SLC25A19: variants seen among roughly 807,000 people sequenced by gnomAD.
The protein encoded by SLC25A19 is solute carrier family 25 member 19.
Under a neutral mutation model 27.9 loss-of-function variants are expected in SLC25A19, and 18 were observed. The ratio of observed to expected loss-of-function variants is 0.64; its 90% CI spans 0.45 to 0.96. The LOEUF is 0.96. SLC25A19 is among the 40% of genes least tolerant of loss of function. SLC25A19 has a pLI of 0.00. For missense variants in SLC25A19, 371 were observed against 418.3 expected, an observed-to-expected ratio of 0.89 and a Z score of 0.99; for synonymous variants, 169 against 167.1, an observed-to-expected ratio of 1.01 and a Z score of -0.09.
Position 75,273,202 on chromosome 17 carries a change from C to T in SLC25A19, c.*249G>A. The T allele has an allele frequency of 1.9e-6, 1 of 530,160 alleles. No individual in the cohort carries two copies. The highest frequency in any genetic ancestry group is 1.9e-5 in the African/African-American group (1 of 52,512). The allele number at this position is 530,160 out of a possible 1,614,324, so 32.8% of individuals were successfully genotyped here. A position where few individuals can be genotyped will look rare whatever the true frequency, so the allele number is the denominator to read the frequency against. On this transcript the variant is annotated 3_prime_UTR_variant, in exon 8 of 8. Coordinates refer to ENST00000416858, the MANE Select transcript of SLC25A19 (RefSeq NM_001126121.2). ...GAGTGTGGGCTGGTCAGAGGAGAAA[C>T]AGCAACTTCCTGCTCCTTCTCACTG...
intron 7 of SLC25A19, among the ~76,000 whole-genome samples, chr17:75,274,943 TG>T (rs1271930541): frequency 2.6e-5 from 4 of 150,984 alleles, no homozygotes; most frequent in Non-Finnish European, 4.4e-5. Context: ...TGTGGTTATC[TG>T]TGGTAGTGAA....
intron 7 of SLC25A19, 123 bp downstream of exon 7, chr17:75,277,230 C>G (rs759820314): frequency 2.4e-6 from 3 of 1,270,304 alleles, no homozygotes; most frequent in East Asian, 2.4e-5. Context: ...AAGGAATGGA[C>G]GCAGGTGAAG....
At chr17:75,274,784 AAG>A (rs1421735996) in intron 7 of SLC25A19, among the ~76,000 whole-genome samples, 1 of 152,088 alleles carries the variant, frequency 6.6e-6, no homozygotes, top group Admixed American at 6.6e-5. Flanking sequence ...TAAAAAAAGA[AAG>A]AAAGAAAAGA....
chr17:75,287,140 G>T lies in SLC25A19; in HGVS notation c.-38-338C>A, dbSNP rs2078203241. The T allele has an allele frequency of 1.1e-5, 3 of 284,040 alleles. No homozygotes were observed. In the East Asian group the frequency reaches 2.7e-4, roughly 25 times the overall value. The allele number at this position is 284,040 out of a possible 1,614,324, so 17.6% of individuals were successfully genotyped here. On this transcript the variant is annotated intron_variant, in intron 2 of 7. Transcript: ENST00000416858. ...ATTTGTTTACTTTTTTAGAGACAGG[G>T]TCTCACTCTGTTGCCCAGGCTGGAA...
rs769897763 is a variant in SLC25A19, at chr17:75,277,398, C to T, written c.729G>A (p.Arg243=). ...CATGCTCAAACCCTCCAACCTGTAG[C>T]CGCTTCTTGAAGAGGTCCAGCGGAT... ...LTYPLDLFKK[R]LQVGGFEHAR... is the part of the protein sequence containing the mutation. Residue 243 remains arginine (R), a synonymous_variant, in exon 7 of 8, where the codon CGG becomes CGA. Transcript: ENST00000416858. 17 of 1,613,952 alleles carry T rather than the reference C, an allele frequency of 1.1e-5. No homozygotes were observed. Among genetic ancestry groups the T allele is most frequent in the Non-Finnish European group, 1.4e-5 (17 of 1,180,018 alleles).
At chr17:75,276,846 TTTG>T (rs2077901509) in intron 7 of SLC25A19, among the ~76,000 whole-genome samples, 2 of 69,628 alleles carry the variant, frequency 2.9e-5, no homozygotes, top group African/African-American at 6.6e-5. Flanking sequence ...GGCTAATTTT[TTTG>T]TTTTTTTTTT....
rs777893642 is a variant in SLC25A19, at chr17:75,278,109, G to A, written c.643+43C>T. 10 of 1,604,888 alleles carry A rather than the reference G, an allele frequency of 6.2e-6. No homozygotes were observed. In the South Asian group the frequency reaches 9.9e-5, roughly 16 times the overall value. ...GTGATTTGGAAGGGGGTGTTCTGGT[G>A]GCTGGGGTGGGAGGGCTCCCTCTCG... On this transcript the variant is annotated intron_variant, in intron 6 of 7. Coordinates refer to ENST00000416858, the MANE Select transcript of SLC25A19 (RefSeq NM_001126121.2).
intron 7 of SLC25A19, among the ~76,000 whole-genome samples, chr17:75,275,224 C>T (rs184767226): frequency 6.6e-5 from 10 of 151,944 alleles, no homozygotes; most frequent in Admixed American, 5.9e-4. Context: ...AGCTCCTGGC[C>T]TCAACTGATT....
rs1306947229 is a variant in SLC25A19 at position 75,283,286 on chromosome 17, G to C, written c.459+137C>G. On this transcript the variant is annotated intron_variant, in intron 5 of 7. Transcript: ENST00000416858. ...ACTGCACTCCAGCCTGCATGACAGA[G>C]CGAGATTCTGTCTCAAACAAAACAA... 4.2e-6 allele frequency: 4 copies of C among 960,980 alleles called. No individual in the cohort carries two copies. In the African/African-American group the frequency reaches 6.8e-5, roughly 16 times the overall value. 59.5% of individuals were successfully genotyped at this position (960,980 alleles called of 1,614,324 possible).
At chr17:75,289,117 G>T (rs1198756275) in intron 1 of SLC25A19, 2 of 152,262 alleles carry the variant, frequency 1.3e-5, no homozygotes, top group African/African-American at 4.8e-5. Context: ...CTCGGGGTGT[G>T]TTTTTTCTCC....
At chr17:75,284,005 T>C (rs996518204) in intron 4 of SLC25A19, among the ~76,000 whole-genome samples, 2 of 151,646 alleles carry the variant, frequency 1.3e-5, no homozygotes, top group Admixed American at 1.3e-4. Flanking sequence ...TCCCAGGTAC[T>C]TGGGGGGCTG....
chr17:75,286,967 G>A (rs1213806577), intron 2 of SLC25A19, 165 bp from the exon 3 acceptor site: 11 of 620,532 alleles, frequency 1.8e-5, no homozygotes, highest in East Asian at 1.3e-4. Flanking sequence ...TTCGGAGGCC[G>A]AGGTGGGTGG....
Position 75,273,468 on chromosome 17 carries a change from T to C in SLC25A19, c.946A>G (p.Thr316Ala). 6.2e-7 allele frequency: 1 copy of C among 1,614,040 alleles called. No individual in the cohort carries two copies. Among genetic ancestry groups the C allele is most frequent in the Non-Finnish European group, 8.5e-7 (1 of 1,180,016 alleles). The change falls in exon 8 of 8, where the codon ACA (threonine) becomes GCA (alanine). Residue 316 changes from threonine (T) to alanine (A), a missense_variant. Physicochemically the swap from Thr to Ala is moderately conservative, Grantham distance 58. Coordinates refer to ENST00000416858, the MANE Select transcript of SLC25A19 (RefSeq NM_001126121.2). ...FCNVFHCMNR[T>A]ASQR ...TCCTGCACTCAGCGCTGGCTGGCTGTCCTGTTCATGCAGTGGAAGACATTA... is the reference window on the plus strand; with the variant it reads ...TCCTGCACTCAGCGCTGGCTGGCTGCCCTGTTCATGCAGTGGAAGACATTA...
At chr17:75,278,083 TG>T (rs2077937807) in intron 6 of SLC25A19, 68 bp downstream of exon 6, 2 of 1,551,826 alleles carry the variant, frequency 1.3e-6, no homozygotes, top group Non-Finnish European at 8.9e-7. Context: ...TTAGCTCCTT[TG>T]TGATTTGGAA....
intron 7 of SLC25A19, among the ~76,000 whole-genome samples, chr17:75,276,028 C>T (rs1358464921): frequency 6.6e-6 from 1 of 151,846 alleles, no homozygotes; most frequent in Non-Finnish European, 1.5e-5. Context: ...AATCCCAGCA[C>T]TTTGGGAGGC....
At chr17:75,277,117 G>C (rs949579333) in intron 7 of SLC25A19, among the ~76,000 whole-genome samples, 1 of 144,416 alleles carries the variant, frequency 6.9e-6, no homozygotes, top group African/African-American at 2.5e-5. Flanking sequence ...CTATTTTAAA[G>C]AAAAAAAAAA....
chr17:75,280,871 G>A (rs1289028054), intron 5 of SLC25A19, among the ~76,000 whole-genome samples: 4 of 150,584 alleles, frequency 2.7e-5, no homozygotes, highest in Non-Finnish European at 4.4e-5. Flanking sequence ...TCTGGGAGGC[G>A]GTCACAGTGA....
At chr17:75,282,166 T>C (rs2078054055) in intron 5 of SLC25A19, among the ~76,000 whole-genome samples, 1 of 151,908 alleles carries the variant, frequency 6.6e-6, no homozygotes, top group Non-Finnish European at 1.5e-5. Flanking sequence ...GGCAGAAGGA[T>C]CACTTGATCC....
intron 4 of SLC25A19, among the ~76,000 whole-genome samples, chr17:75,283,864 C>T (rs2078116177): frequency 6.6e-6 from 1 of 150,948 alleles, no homozygotes; most frequent in Admixed American, 6.6e-5. Context: ...ACTTGTAATC[C>T]CAGCACTCTG....
Sources: allele counts gnomAD v4.1 joint callset (sites outside exome capture counted in the v4.1 genomes callset), GRCh38; gene constraint gnomAD v4.1.1; transcripts MANE v1.5; gene names NCBI Gene and HGNC (gene_info 2026-07-23, HGNC 2026-07-21).